Variants in EIF3G observed in about 807,000 individuals in gnomAD.
EIF3G encodes eukaryotic translation initiation factor 3 subunit G.
A neutral mutation model predicts 41.7 loss-of-function variants in EIF3G; 10 were observed. The observed-to-expected ratio is 0.24, with a 90% CI of 0.15 to 0.41. The LOEUF is 0.41. EIF3G is among the 10% of genes least tolerant of loss of function. The probability of loss-of-function intolerance (pLI) is 1.00; values close to 1 mark genes in which losing one functional copy is unlikely to be tolerated. For missense variants in EIF3G, 297 were observed against 444.0 expected, an observed-to-expected ratio of 0.67 and a Z score of 2.98; for synonymous variants, 204 against 172.5, an observed-to-expected ratio of 1.18 and a Z score of -1.43.
rs1209664447 is a variant in EIF3G at position 10,116,488 on chromosome 19, CA to C, written c.595+311del. The stretch of plus-strand genomic sequence containing the variant: ...AGAATTCGGACGGTACAGCCACAGG[CA>C]TGCAACGGAGACACTATACACACAG... On this transcript the variant is annotated intron_variant, in intron 7 of 10. Coordinates refer to ENST00000253108, the MANE Select transcript of EIF3G (RefSeq NM_003755.5). The surrounding 1 kb of genome is among the most constrained non-coding windows in gnomAD (Gnocchi z 4.1). The C allele has an allele frequency of 6.1e-6, 3 of 491,846 alleles. No homozygotes were observed. The highest frequency in any genetic ancestry group is 1.1e-5 in the Non-Finnish European group (3 of 274,130). 30.5% of individuals were successfully genotyped at this position (491,846 alleles called of 1,614,324 possible). A position where few individuals can be genotyped will look rare whatever the true frequency, so the allele number is the denominator to read the frequency against.
intron 5 of EIF3G, chr19:10,118,396 T>A: frequency 2.4e-6 from 1 of 417,018 alleles, no homozygotes; most frequent in Non-Finnish European, 4.4e-6. Context: ...CAAAACCCCG[T>A]CTCTACTAAA....
chr19:10,116,011 T>C lies in EIF3G; in HGVS notation c.659A>G (p.Asp220Gly), dbSNP rs1417843694. The change falls in exon 8 of 11, where the codon GAC (aspartate) becomes GGC (glycine). Residue 220 changes from aspartate (D) to glycine (G), a missense_variant. Physicochemically the swap from Asp to Gly is moderately conservative, Grantham distance 94. Transcript: ENST00000253108. The surrounding 1 kb of genome is among the most constrained non-coding windows in gnomAD (Gnocchi z 4.1). Reference protein sequence around the residue: ...TGKYVPPSLRDGASRRGESMQ... With the variant: ...TGKYVPPSLRGGASRRGESMQ... ...GGACTCCCCGCGGCGGCTGGCCCCGTCGCGCAGGCTCGGCGGCACATACTT... is the reference window on the plus strand; with the variant it reads ...GGACTCCCCGCGGCGGCTGGCCCCGCCGCGCAGGCTCGGCGGCACATACTT... The C allele has an allele frequency of 6.2e-7, 1 of 1,613,690 alleles. No homozygotes were observed.
rs369053286 is a variant in EIF3G, at chr19:10,115,453, G to A, written c.947+26C>T. ...GGTGCTGGGACAAGGCAGGGAGCAG[G>A]GGCTGGGGCAGGGATGGAGTCTTAC... is the stretch of plus-strand genomic sequence containing the variant. On this transcript the variant is annotated intron_variant, in intron 10 of 10. Coordinates refer to ENST00000253108, the MANE Select transcript of EIF3G (RefSeq NM_003755.5). 4.1e-4 allele frequency: 650 copies of A among 1,587,676 alleles called. 3 individuals carry two copies. The Middle Eastern group carries it at 0.011, about 26-fold the overall frequency.
chr19:10,115,953 G>T lies in EIF3G; in HGVS notation c.703+14C>A, dbSNP rs370993731. On this transcript the variant is annotated intron_variant, in intron 8 of 10. Transcript: ENST00000253108. Reference sequence around the variant, plus strand: ...GGTGCCCACCCACCAGCCTGGCGTCGGGGTGCCCCTCACCTCTGCGGTTGG... The same window carrying T: ...GGTGCCCACCCACCAGCCTGGCGTCTGGGTGCCCCTCACCTCTGCGGTTGG... 1 of 1,610,988 alleles carries T rather than the reference G, an allele frequency of 6.2e-7. No homozygotes were observed. The highest frequency in any genetic ancestry group is 8.5e-7 in the Non-Finnish European group (1 of 1,178,256).
At position 10,116,350 on chromosome 19, in the gene EIF3G, C is replaced by T; in HGVS notation, c.596-276G>A. ...AACAGGGGCAGCAGCCTCACATGCA[C>T]AGCAACGGCAGACATGGGACACACA... is the stretch of plus-strand genomic sequence containing the variant. On this transcript the variant is annotated intron_variant, in intron 7 of 10. Transcript: ENST00000253108. The surrounding 1 kb of genome is among the most constrained non-coding windows in gnomAD (Gnocchi z 4.1). 1 of 547,462 alleles carries T rather than the reference C, an allele frequency of 1.8e-6. No individual in the cohort carries two copies. Among genetic ancestry groups the T allele is most frequent in the Non-Finnish European group, 3.3e-6 (1 of 305,572 alleles). 33.9% of individuals were successfully genotyped at this position (547,462 alleles called of 1,614,324 possible).
At chr19:10,119,770 C>T (rs2089290699) in intron 1 of EIF3G, 70 bp from the exon 2 acceptor site, 1 of 1,613,948 alleles carries the variant, frequency 6.2e-7, no homozygotes, top group Admixed American at 1.7e-5. Context: ...CTCGGCGTAC[C>T]CAGGCCCCAT....
intron 10 of EIF3G, 149 bp downstream of exon 10, chr19:10,115,330 C>T (rs746930638): frequency 2.7e-5 from 31 of 1,144,834 alleles, no homozygotes; most frequent in Non-Finnish European, 3.4e-5. Context: ...CCCCTCTGCC[C>T]GGTTTTGGAA....
In EIF3G at chr19:10,115,069, T is replaced by G. The variant is rs2089215206; in HGVS notation, c.*45A>C. The G allele has an allele frequency of 6.2e-7, 1 of 1,613,472 alleles. No homozygotes were observed. Among genetic ancestry groups the G allele is most frequent in the Non-Finnish European group, 8.5e-7 (1 of 1,179,854 alleles). On this transcript the variant is annotated 3_prime_UTR_variant, in exon 11 of 11. Coordinates refer to ENST00000253108, the MANE Select transcript of EIF3G (RefSeq NM_003755.5). ...GGAGCCCGCGCTCTCGGAGGCTGTC[T>G]TCTGTCGCCAAGGGTCCCGGACCGA...
chr19:10,119,017 A>AG, intron 3 of EIF3G, 61 bp from the exon 4 acceptor site: 1 of 1,612,764 alleles, frequency 6.2e-7, no homozygotes, highest in Non-Finnish European at 8.5e-7. Flanking sequence ...CAGGAGCGGC[A>AG]GGGCTGGAGG....
chr19:10,115,309 A>G, intron 10 of EIF3G, 170 bp downstream of exon 10: 2 of 1,103,176 alleles, frequency 1.8e-6, no homozygotes, highest in Non-Finnish European at 1.3e-6. Flanking sequence ...CCCCAGGCAC[A>G]AGAGCTGCCA....
chr19:10,118,956 G>A lies in EIF3G; in HGVS notation c.152C>T (p.Ala51Val), dbSNP rs2089282381. Residue 51 changes from alanine to valine, a missense_variant and splice_region_variant, in exon 4 of 11, where the codon GCT becomes GTT. Transcript: ENST00000253108. ...GACCTCCTTGGGAGGCGGCAGTGGA[G>A]CTGGCAGAAGGGGAAAAACAGAGAA... ...TSPEPELLPG[A>V]PLPPPKEVIN... 1.2e-6 allele frequency: 2 copies of A among 1,614,150 alleles called. No individual in the cohort carries two copies. The highest frequency in any genetic ancestry group is 2.2e-5 in the East Asian group (1 of 44,876).
Position 10,116,532 on chromosome 19 carries a change from GGGT to G in EIF3G, c.595+265_595+267del. On this transcript the variant is annotated intron_variant, in intron 7 of 10. Transcript: ENST00000253108. The surrounding 1 kb of genome is among the most constrained non-coding windows in gnomAD (Gnocchi z 4.1). ...ACACACAGTGCGCACACACGATGTG[GGGT>G]GGTCAGCACCCTGGGGCCGACAGAC... 1.9e-6 allele frequency: 1 copy of G among 516,836 alleles called. No homozygotes were observed. The highest frequency in any genetic ancestry group is 3.4e-5 in the Admixed American group (1 of 29,524). 32.0% of individuals were successfully genotyped at this position (516,836 alleles called of 1,614,324 possible).
Position 10,115,963 on chromosome 19 carries a change from T to C in EIF3G, c.703+4A>G, listed in dbSNP as rs759591490. 1.2e-6 allele frequency: 2 copies of C among 1,612,802 alleles called. No individual in the cohort carries two copies. Among genetic ancestry groups the C allele is most frequent in the Non-Finnish European group, 8.5e-7 (1 of 1,179,410 alleles). On this transcript the variant is annotated splice_donor_region_variant and intron_variant, in intron 8 of 10. Transcript: ENST00000253108. ...CACCAGCCTGGCGTCGGGGTGCCCCTCACCTCTGCGGTTGGGCTGCATGGA... is the reference window on the plus strand; with the variant it reads ...CACCAGCCTGGCGTCGGGGTGCCCCCCACCTCTGCGGTTGGGCTGCATGGA...
Position 10,115,028 on chromosome 19 carries a change from C to CT in EIF3G, c.*85dup. ...AAAGAACCAAGTAGAGAGAGTGGAGCTGCTTTATTGCCCTTGGAGCCCGCG... is the reference window on the plus strand; with the variant it reads ...AAAGAACCAAGTAGAGAGAGTGGAGCTTGCTTTATTGCCCTTGGAGCCCGCG... On this transcript the variant is annotated 3_prime_UTR_variant, in exon 11 of 11. Coordinates refer to ENST00000253108, the MANE Select transcript of EIF3G (RefSeq NM_003755.5). The CT allele has an allele frequency of 6.3e-7, 1 of 1,582,222 alleles. No homozygotes were observed. Among genetic ancestry groups the CT allele is most frequent in the South Asian group, 1.1e-5 (1 of 88,662 alleles).
chr19:10,117,362 G>A (rs896841467), intron 5 of EIF3G, 174 bp from the exon 6 acceptor site: 33 of 581,516 alleles, frequency 5.7e-5, no homozygotes, highest in African/African-American at 5.2e-4. Flanking sequence ...CTGAGTACAC[G>A]CCAGGCCTGA....
Position 10,115,065 on chromosome 19 carries a change from TGTC to T in EIF3G, c.*46_*48del, listed in dbSNP as rs1248940672. 1.2e-6 allele frequency: 2 copies of T among 1,612,834 alleles called. No homozygotes were observed. The highest frequency in any genetic ancestry group is 1.7e-6 in the Non-Finnish European group (2 of 1,179,632). On this transcript the variant is annotated 3_prime_UTR_variant, in exon 11 of 11. Coordinates refer to ENST00000253108, the MANE Select transcript of EIF3G (RefSeq NM_003755.5). Reference sequence around the variant, plus strand: ...CCTTGGAGCCCGCGCTCTCGGAGGCTGTCTTCTGTCGCCAAGGGTCCCGGACCG... The same window carrying T: ...CCTTGGAGCCCGCGCTCTCGGAGGCTTTCTGTCGCCAAGGGTCCCGGACCG...
rs1568494302 is a variant in EIF3G at position 10,115,677 on chromosome 19, TGCCC to T, written c.840+3_840+6del. 1.3e-6 allele frequency: 2 copies of T among 1,595,238 alleles called. No homozygotes were observed. The highest frequency in any genetic ancestry group is 2.2e-5 in the South Asian group (2 of 90,182). On this transcript the variant is annotated splice_donor_5th_base_variant and intron_variant, in intron 9 of 10. Coordinates refer to ENST00000253108, the MANE Select transcript of EIF3G (RefSeq NM_003755.5). ...CACAGCCCCACCGTGCCTGCCTGCC[TGCCC>T]ACCTTGGATTGGCCAGTGGTCTTGT...
Position 10,116,732 on chromosome 19 carries a change from T to G in EIF3G, c.595+68A>C. ...ACCCGCTGCACTGTCGTGCGGGAGA[T>G]GACAGCACGAAGGCAGCAGTGGGGA... On this transcript the variant is annotated intron_variant, in intron 7 of 10. Transcript: ENST00000253108. The surrounding 1 kb of genome is among the most constrained non-coding windows in gnomAD (Gnocchi z 4.1). 6.9e-7 allele frequency: 1 copy of G among 1,451,702 alleles called. No homozygotes were observed. The highest frequency in any genetic ancestry group is 9.3e-7 in the Non-Finnish European group (1 of 1,080,476). 89.9% of individuals were successfully genotyped at this position (1,451,702 alleles called of 1,614,324 possible). A position where few individuals can be genotyped will look rare whatever the true frequency, so the allele number is the denominator to read the frequency against.
chr19:10,115,346 CAAT>C (rs1568493920), intron 10 of EIF3G, 130 bp downstream of exon 10: 8 of 1,203,070 alleles, frequency 6.6e-6, no homozygotes, highest in African/African-American at 4.6e-5. Context: ...TGGAAAAAAA[CAAT>C]AAAGGACTGT....
Sources: gnomAD v4.1 joint callset for allele counts on GRCh38, gnomAD v4.1.1 for gene constraint, Gnocchi (gnomAD v3.1) non-coding constraint, MANE v1.5 for transcripts, NCBI Gene and HGNC (gene_info 2026-07-23, HGNC 2026-07-21) for gene names.